The following ASXL3 variants were observed in gnomAD, a reference collection of about 807,000 sequenced individuals.
The protein encoded by ASXL3 is ASXL transcriptional regulator 3.
In ASXL3, 34 loss-of-function variants were observed where a neutral mutation model predicts 170.6. The ratio of observed to expected loss-of-function variants is 0.20; its 90% CI spans 0.15 to 0.27. The LOEUF (loss-of-function observed/expected upper bound fraction) is 0.27, where lower values mean the gene tolerates loss of function less well. Among genes scored for constraint, ASXL3 ranks in the 10% least tolerant of loss-of-function variants. The pLI, the probability that ASXL3 is intolerant of heterozygous loss-of-function variation, is 1.00. For synonymous variants in ASXL3, 1,002 were observed against 989.1 expected (o/e 1.01, Z -0.24); for missense variants, 2,592 against 2,695.3 (o/e 0.96, Z 0.85).
intron 2 of ASXL3, among the ~76,000 whole-genome samples, chr18:33,636,303 A>T (rs1022603160): frequency 8.2e-6 from 1 of 122,376 alleles, no homozygotes; most frequent in African/African-American, 3.3e-5. Flanking sequence ...AAAACCACTG[A>T]TTCAACAACA....
intron 2 of ASXL3, chr18:33,627,134 A>G (rs1180827349): frequency 1.3e-5 from 2 of 152,452 alleles, no homozygotes; most frequent in African/African-American, 2.4e-5. Context: ...AAGGAACCCC[A>G]TAAGAGTCAC....
At chr18:33,626,844 A>G (rs1258548479) in intron 2 of ASXL3, 1 of 152,758 alleles carries the variant, frequency 6.5e-6, no homozygotes, top group Non-Finnish European at 1.5e-5. Flanking sequence ...ATATATACAC[A>G]TATATAATAT....
chr18:33,633,893 G>A (rs139194692), intron 2 of ASXL3, among the ~76,000 whole-genome samples: 188 of 149,456 alleles, frequency 1.3e-3, no homozygotes, highest in African/African-American at 4.3e-3. Context: ...AAAGTAAAAT[G>A]TTAAGGCATT....
At chr18:33,608,950 A>C (rs2065291980) in intron 2 of ASXL3, 1 of 870,868 alleles carries the variant, frequency 1.1e-6, no homozygotes, top group African/African-American at 1.9e-5. Flanking sequence ...CTATGCTCAA[A>C]TTTTCATTTT....
Position 33,743,027 on chromosome 18 carries a change from G to A in ASXL3, c.3179G>A (p.Arg1060Gln), listed in dbSNP as rs1375724915. ...GARTLADIKA[R>Q]AQQARAQREA... ...AGGACCCTCGCAGATATCAAGGCCCGGGCCCAACAAGCTCGGGCCCAGCGA... is the reference window on the plus strand; with the variant it reads ...AGGACCCTCGCAGATATCAAGGCCCAGGCCCAACAAGCTCGGGCCCAGCGA... The change falls in exon 12 of 12, where the codon CGG (arginine) becomes CAG (glutamine). Residue 1060 changes from arginine to glutamine, a missense_variant. Coordinates refer to ENST00000269197, the MANE Select transcript of ASXL3 (RefSeq NM_030632.3). The A allele has an allele frequency of 1.2e-6, 2 of 1,613,750 alleles. No homozygotes were observed. The highest frequency in any genetic ancestry group is 8.5e-7 in the Non-Finnish European group (1 of 1,179,804).
intron 2 of ASXL3, among the ~76,000 whole-genome samples, chr18:33,628,366 G>T (rs1367604578): frequency 6.6e-6 from 1 of 151,998 alleles, no homozygotes; most frequent in Non-Finnish European, 1.5e-5. Flanking sequence ...AGAAAATGAT[G>T]GTTAGGAGAC....
At chr18:33,578,711 C>G (rs1233726043) in intron 1 of ASXL3, 26 bp downstream of exon 1, 7 of 1,200,224 alleles carry the variant, frequency 5.8e-6, no homozygotes, top group African/African-American at 1.6e-5. Flanking sequence ...CACACGCCGC[C>G]CGCGCCTCCC....
At chr18:33,689,597 C>T (rs549434204) in intron 8 of ASXL3, among the ~76,000 whole-genome samples, 1 of 152,272 alleles carries the variant, frequency 6.6e-6, no homozygotes, top group Non-Finnish European at 1.5e-5. Context: ...ATATCTCCTA[C>T]TCAGATTCAG....
At chr18:33,635,465 C>G (rs2065750269) in intron 2 of ASXL3, among the ~76,000 whole-genome samples, 1 of 152,202 alleles carries the variant, frequency 6.6e-6, no homozygotes, top group Admixed American at 6.5e-5. Context: ...CTTGTGGAGG[C>G]AGAGATAGGC....
chr18:33,743,195 C>T lies in ASXL3; in HGVS notation c.3347C>T (p.Ala1116Val), dbSNP rs1471083218. ...TKAKLFAKHQ[A>V]RAHLFQTSKE... The stretch of plus-strand genomic sequence containing the variant: ...GCTAAGCTCTTTGCAAAGCATCAAG[C>T]TCGAGCCCATCTCTTCCAGACCTCT... The change falls in exon 12 of 12, where the codon GCT (alanine) becomes GTT (valine). Residue 1116 changes from alanine to valine, a missense_variant. Ala to Val is a moderately conservative substitution (Grantham distance 64). Coordinates refer to ENST00000269197, the MANE Select transcript of ASXL3 (RefSeq NM_030632.3). The T allele has an allele frequency of 1.2e-6, 2 of 1,614,006 alleles. No individual in the cohort carries two copies. Among genetic ancestry groups the T allele is most frequent in the Admixed American group, 1.7e-5 (1 of 60,028 alleles).
intron 2 of ASXL3, 52 bp downstream of exon 2, chr18:33,607,728 A>G (rs1371334361): frequency 2.2e-6 from 3 of 1,367,910 alleles, no homozygotes; most frequent in East Asian, 2.5e-5. Flanking sequence ...AATAATTGCC[A>G]CTCGTTGCTA....
intron 1 of ASXL3, among the ~76,000 whole-genome samples, chr18:33,596,857 C>T (rs2065131916): frequency 6.6e-6 from 1 of 152,048 alleles, no homozygotes; most frequent in Non-Finnish European, 1.5e-5. Context: ...GCTCTGTTAC[C>T]CAGGCTGGAG....
At chr18:33,609,056 G>A (rs1234788360) in intron 2 of ASXL3, 1 of 984,854 alleles carries the variant, frequency 1.0e-6, no homozygotes, top group African/African-American at 1.8e-5. Context: ...CCCAGAAAGT[G>A]GAGGCAGCAG....
At chr18:33,721,992 T>A (rs1259598319) in intron 8 of ASXL3, among the ~76,000 whole-genome samples, 1 of 152,066 alleles carries the variant, frequency 6.6e-6, no homozygotes, top group Non-Finnish European at 1.5e-5. Context: ...TATGGTGATA[T>A]ATGACCAATG....
At chr18:33,660,278 T>A (rs1293436367) in intron 4 of ASXL3, among the ~76,000 whole-genome samples, 1 of 152,168 alleles carries the variant, frequency 6.6e-6, no homozygotes, top group African/African-American at 2.4e-5. Flanking sequence ...ATAACTGTTA[T>A]TTTATTTTCC....
chr18:33,743,404 C>T lies in ASXL3; in HGVS notation c.3556C>T (p.Leu1186Phe), dbSNP rs2067701151. 1 of 1,613,340 alleles carries T rather than the reference C, an allele frequency of 6.2e-7. No homozygotes were observed. Among genetic ancestry groups the T allele is most frequent in the African/African-American group, 1.3e-5 (1 of 75,066 alleles). The change falls in exon 12 of 12, where the codon CTT (leucine) becomes TTT (phenylalanine). Residue 1186 changes from leucine (L) to phenylalanine (F), a missense_variant. Physicochemically the swap from Leu to Phe is conservative, Grantham distance 22. Coordinates refer to ENST00000269197, the MANE Select transcript of ASXL3 (RefSeq NM_030632.3). ...RETTTVLQQSLNPSKLPETAT... is the reference protein window; with the variant it reads ...RETTTVLQQSFNPSKLPETAT... ...GACCACCACTGTACTACAGCAGTCT[C>T]TTAACCCAAGTAAACTTCCAGAAAC...
Position 33,745,456 on chromosome 18 carries a change from C to G in ASXL3, c.5608C>G (p.His1870Asp). 1 of 1,614,010 alleles carries G rather than the reference C, an allele frequency of 6.2e-7. No homozygotes were observed. ...CAGTTCCGGCATCAGTCAGCTAGGA[C>G]ACAGCCAGCCATTTAAGCAAGAATG... Reference protein sequence around the residue: ...VISSGISQLGHSQPFKQEWLN... With the variant: ...VISSGISQLGDSQPFKQEWLN... The change falls in exon 12 of 12, where the codon CAC (histidine) becomes GAC (aspartate). Residue 1870 changes from histidine (H) to aspartate (D), a missense_variant. His to Asp is a moderately conservative substitution (Grantham distance 81). Transcript: ENST00000269197.
intron 5 of ASXL3, among the ~76,000 whole-genome samples, chr18:33,663,364 A>G (rs2066207245): frequency 6.6e-6 from 1 of 152,194 alleles, no homozygotes; most frequent in Admixed American, 6.5e-5. Flanking sequence ...CTTCCTGTAT[A>G]TGAATGGAAA....
rs35547151 is a variant in ASXL3 at position 33,734,471 on chromosome 18, C to T, written c.1082+56C>T. 0.061 allele frequency: 72,494 copies of T among 1,184,814 alleles called. 2,480 individuals are homozygous for T. The highest frequency in any genetic ancestry group is 0.076 in the South Asian group (5,169 of 68,328). 73.4% of individuals were successfully genotyped at this position (1,184,814 alleles called of 1,614,324 possible). On this transcript the variant is annotated intron_variant, in intron 10 of 11. Transcript: ENST00000269197. ...CTGAGAAAGAAATGAAAATGTAATTCTCTGCTTCACATAGCACACTCATAT... is the reference window on the plus strand; with the variant it reads ...CTGAGAAAGAAATGAAAATGTAATTTTCTGCTTCACATAGCACACTCATAT...
Sources: allele counts gnomAD v4.1 joint callset (sites outside exome capture counted in the v4.1 genomes callset), GRCh38; gene constraint gnomAD v4.1.1; transcripts MANE v1.5; gene names NCBI Gene and HGNC (gene_info 2026-07-23, HGNC 2026-07-21).